The following TSPAN9 variants were observed in gnomAD, a reference collection of about 807,000 sequenced individuals.
The protein encoded by TSPAN9 is tetraspanin 9.
TSPAN9 carries 16 observed loss-of-function variants against 31.0 expected under a neutral mutation model. The ratio of observed to expected loss-of-function variants is 0.52; its 90% confidence interval spans 0.35 to 0.78. The LOEUF (loss-of-function observed/expected upper bound fraction) is 0.78. Among genes scored for constraint, TSPAN9 ranks in the 30% least tolerant of loss-of-function variants. The pLI, the probability that TSPAN9 is intolerant of heterozygous loss-of-function variation, is 0.01. For synonymous variants in TSPAN9, 145 were observed against 121.6 expected, an observed-to-expected ratio of 1.19 and a Z score of -1.27; for missense variants, 272 against 312.5, an observed-to-expected ratio of 0.87 and a Z score of 0.98.
intron 3 of TSPAN9, among the ~76,000 whole-genome samples, chr12:3,262,526 C>T (rs3825341): frequency 0.051 from 7,774 of 152,072 alleles, 269 homozygotes; most frequent in East Asian, 0.1. Flanking sequence ...TGCCAGCTCA[C>T]TATTTATCAC....
At chr12:3,146,065 G>A (rs1401331740) in intron 2 of TSPAN9, among the ~76,000 whole-genome samples, 1 of 152,236 alleles carries the variant, frequency 6.6e-6, no homozygotes, top group East Asian at 1.9e-4. Flanking sequence ...CTTTGAGGCT[G>A]TGAGCTCCCC....
chr12:3,265,321 C>T (rs1862519384), intron 3 of TSPAN9, among the ~76,000 whole-genome samples: 2 of 152,216 alleles, frequency 1.3e-5, no homozygotes, highest in South Asian at 4.1e-4. Context: ...GGTCCAACTC[C>T]AAGGGCTCCA....
At chr12:3,176,015 G>T (rs1362507062) in intron 2 of TSPAN9, among the ~76,000 whole-genome samples, 1 of 152,166 alleles carries the variant, frequency 6.6e-6, no homozygotes, top group Non-Finnish European at 1.5e-5. Context: ...CTCTCAGAGG[G>T]TCTGAAGAGC....
intron 3 of TSPAN9, among the ~76,000 whole-genome samples, chr12:3,246,438 G>A (rs555223655): frequency 1.3e-5 from 2 of 152,282 alleles, no homozygotes; most frequent in East Asian, 1.9e-4. Context: ...GAGGTCAGGA[G>A]AACTTTGGCT....
intron 3 of TSPAN9, among the ~76,000 whole-genome samples, chr12:3,221,813 G>A (rs1434135494): frequency 6.6e-6 from 1 of 151,990 alleles, no homozygotes. Context: ...GTACCACCAC[G>A]CCCAGTGAAT....
At chr12:3,139,615 C>G (rs1380139714) in intron 2 of TSPAN9, among the ~76,000 whole-genome samples, 1 of 152,196 alleles carries the variant, frequency 6.6e-6, no homozygotes, top group Non-Finnish European at 1.5e-5. Context: ...GTCACCCAGG[C>G]TGGGGTGCAG....
intron 5 of TSPAN9, among the ~76,000 whole-genome samples, chr12:3,279,491 T>C (rs909572493): frequency 1.3e-5 from 2 of 152,240 alleles, no homozygotes; most frequent in Non-Finnish European, 2.9e-5. Context: ...CGACGCTGGC[T>C]GAGCAGGACT....
chr12:3,154,000 T>TTATA (rs527536828), intron 2 of TSPAN9, among the ~76,000 whole-genome samples: 69 of 103,784 alleles, frequency 6.6e-4, no homozygotes, highest in African/African-American at 1.9e-3. Flanking sequence ...TATATTAGTA[T>TTATA]TATATATATA....
intron 2 of TSPAN9, among the ~76,000 whole-genome samples, chr12:3,152,297 C>T (rs2098340173): frequency 6.6e-6 from 1 of 152,234 alleles, no homozygotes; most frequent in Admixed American, 6.5e-5. Flanking sequence ...GATCCTGGCA[C>T]CCAGCTCCTC....
chr12:3,152,719 T>C (rs1346319805), intron 2 of TSPAN9, among the ~76,000 whole-genome samples: 1 of 152,204 alleles, frequency 6.6e-6, no homozygotes, highest in Non-Finnish European at 1.5e-5. Flanking sequence ...CTCAAGTAGC[T>C]GGGACTACAA....
In TSPAN9 at chr12:3,284,670, G is replaced by C. The variant is rs1284561111; in HGVS notation, c.*1554G>C. ...GCCCCCTCCAAACTGCAGCTGGTCT[G>C]GCTTACTGTTTTGCCGTTCAAAAAG... On this transcript the variant is annotated 3_prime_UTR_variant, in exon 9 of 9. Coordinates refer to ENST00000011898, the MANE Select transcript of TSPAN9 (RefSeq NM_006675.5). The C allele has an allele frequency of 1.3e-5, 2 of 152,426 alleles. No individual in the cohort carries two copies. The highest frequency in any genetic ancestry group is 2.4e-5 in the African/African-American group (1 of 41,440). 9.4% of individuals were successfully genotyped at this position (152,426 alleles called of 1,614,324 possible).
chr12:3,111,296 GC>G (rs981187190), intron 2 of TSPAN9, among the ~76,000 whole-genome samples: 13 of 152,306 alleles, frequency 8.5e-5, no homozygotes, highest in African/African-American at 2.9e-4. Context: ...CCTTTCGCCA[GC>G]CTCCTTTGAC....
intron 2 of TSPAN9, among the ~76,000 whole-genome samples, chr12:3,185,952 G>T (rs1416396691): frequency 6.6e-6 from 1 of 152,224 alleles, no homozygotes; most frequent in African/African-American, 2.4e-5. Context: ...GGGGCCTTCA[G>T]ACTTGGTGTT....
chr12:3,124,829 A>C (rs1452192397), intron 2 of TSPAN9: 1 of 152,138 alleles, frequency 6.6e-6, no homozygotes, highest in African/African-American at 2.4e-5. Flanking sequence ...AGGCTGAGGC[A>C]GGAGGATCGC....
chr12:3,122,165 T>C (rs542608), intron 2 of TSPAN9, among the ~76,000 whole-genome samples: 96,472 of 151,602 alleles, frequency 0.64, 30,881 homozygotes, highest in East Asian at 0.74. Context: ...GAAACCCCAT[T>C]TCTACTAAAA....
At chr12:3,225,045 A>G (rs987178650) in intron 3 of TSPAN9, among the ~76,000 whole-genome samples, 2 of 152,200 alleles carry the variant, frequency 1.3e-5, no homozygotes, top group Admixed American at 6.5e-5. Flanking sequence ...ACAGGATCCC[A>G]TAGCCCATGC....
intron 2 of TSPAN9, among the ~76,000 whole-genome samples, chr12:3,190,870 G>C (rs1161251388): frequency 6.6e-6 from 1 of 152,242 alleles, no homozygotes; most frequent in South Asian, 2.1e-4. Context: ...TAGAGCACCA[G>C]TGTGCTAGAC....
At chr12:3,166,583 T>A (rs951723746) in intron 2 of TSPAN9, among the ~76,000 whole-genome samples, 3 of 152,236 alleles carry the variant, frequency 2.0e-5, no homozygotes, top group Non-Finnish European at 4.4e-5. Context: ...TGTTCTAACC[T>A]TCTGTTGAAG....
intron 3 of TSPAN9, among the ~76,000 whole-genome samples, chr12:3,263,345 G>C (rs977875334): frequency 6.6e-6 from 1 of 152,222 alleles, no homozygotes; most frequent in Non-Finnish European, 1.5e-5. Flanking sequence ...TCAGTGAGCC[G>C]TGTTGTTTGG....
Sources: gnomAD v4.1 joint callset for allele counts (sites outside exome capture counted in the v4.1 genomes callset) on GRCh38, gnomAD v4.1.1 for gene constraint, MANE v1.5 for transcripts, NCBI Gene and HGNC (gene_info 2026-07-23, HGNC 2026-07-21) for gene names.